The following RBPJL variants were observed in gnomAD, a reference collection of about 807,000 sequenced individuals.
RBPJL encodes the protein recombining binding protein suppressor of hairless-like protein.
A neutral mutation model predicts 57.6 loss-of-function variants in RBPJL; 50 were observed. The ratio of observed to expected loss-of-function variants is 0.87; its 90% CI spans 0.69 to 1.10. RBPJL has a LOEUF of 1.10. Among genes scored for constraint, RBPJL ranks in the 50% least tolerant of loss-of-function variants. The probability of loss-of-function intolerance (pLI) is 0.00; values close to 1 mark genes in which losing one functional copy is unlikely to be tolerated. For missense variants in RBPJL, 684 were observed against 693.7 expected (o/e 0.99, Z 0.16); for synonymous variants, 303 against 294.4 (o/e 1.03, Z -0.30).
At chr20:45,311,017 G>A (rs534125520) in intron 3 of RBPJL, among the ~76,000 whole-genome samples, 1 of 151,760 alleles carries the variant, frequency 6.6e-6, no homozygotes, top group South Asian at 2.1e-4. Flanking sequence ...GGAGGCCGAG[G>A]TGGGAGGATC....
intron 6 of RBPJL, among the ~76,000 whole-genome samples, chr20:45,313,084 T>A (rs1987271439): frequency 6.6e-6 from 1 of 151,944 alleles, no homozygotes; most frequent in Non-Finnish European, 1.5e-5. Context: ...AGGCAAAGGT[T>A]CCAAAGCAGG....
At chr20:45,313,896 A>G in intron 7 of RBPJL, 139 bp from the exon 8 acceptor site, 1 of 726,788 alleles carries the variant, frequency 1.4e-6, no homozygotes, top group Admixed American at 2.3e-5. Context: ...TAGAACCTTC[A>G]GTTGGCTCCC....
At position 45,313,427 on chromosome 20, in the gene RBPJL, G is replaced by A. The variant is rs1052618538; in HGVS notation, c.620-41G>A. The A allele has an allele frequency of 5.2e-6, 8 of 1,529,618 alleles. No homozygotes were observed. In the Admixed American group the frequency reaches 1.1e-4, roughly 21 times the overall value. The allele number at this position is 1,529,618 out of a possible 1,614,324, so 94.8% of individuals were successfully genotyped here. ...AACCCTATCCCCTCACCCTAACCCTGACCCTCACCCTCACCCTAACCCTGA... is the reference window on the plus strand; with the variant it reads ...AACCCTATCCCCTCACCCTAACCCTAACCCTCACCCTCACCCTAACCCTGA... On this transcript the variant is annotated intron_variant, in intron 6 of 11. Coordinates refer to ENST00000343694, the MANE Select transcript of RBPJL (RefSeq NM_014276.4).
chr20:45,316,247 A>G lies in RBPJL; in HGVS notation c.1081A>G (p.Ile361Val). Residue 361 changes from isoleucine (I) to valine (V), a missense_variant, in exon 10 of 12, where the codon ATC becomes GTC. Physicochemically the swap from Ile to Val is conservative, Grantham distance 29. Coordinates refer to ENST00000343694, the MANE Select transcript of RBPJL (RefSeq NM_014276.4). ...GCTTAACGACAGCTCTTGCTGGACC[A>G]TCATCGGCACCGAGTCGGTGGAATT... is the stretch of plus-strand genomic sequence containing the variant. ...ALLNDSSCWT[I>V]IGTESVEFSF... 6.2e-7 allele frequency: 1 copy of G among 1,614,230 alleles called. No homozygotes were observed. The highest frequency in any genetic ancestry group is 8.5e-7 in the Non-Finnish European group (1 of 1,180,030).
At chr20:45,313,751 G>C in intron 7 of RBPJL, 146 bp downstream of exon 7, 1 of 884,866 alleles carries the variant, frequency 1.1e-6, no homozygotes, top group East Asian at 2.7e-5. Flanking sequence ...GTCCCAGTGA[G>C]CTGGTGACTG....
chr20:45,310,335 G>A (rs1004770218), intron 3 of RBPJL, among the ~76,000 whole-genome samples: 1 of 152,108 alleles, frequency 6.6e-6, no homozygotes, highest in African/African-American at 2.4e-5. Flanking sequence ...GGCCGGGCGC[G>A]ATGGCTCACA....
In RBPJL at chr20:45,316,633, G is replaced by A. The variant is rs1399387160; in HGVS notation, c.1280+53G>A. The A allele has an allele frequency of 5.9e-6, 9 of 1,526,334 alleles. No individual in the cohort carries two copies. In the South Asian group the frequency reaches 6.2e-5, roughly 11 times the overall value. The allele number at this position is 1,526,334 out of a possible 1,614,324, so 94.5% of individuals were successfully genotyped here. ...GGGCCCCGGGGAGCAGGGGAAGGGG[G>A]TGCACGCGTCGTCGGAGTCGCCGCA... On this transcript the variant is annotated intron_variant, in intron 11 of 11. Transcript: ENST00000343694.
chr20:45,316,239 G>T lies in RBPJL; in HGVS notation c.1073G>T (p.Cys358Phe). Residue 358 changes from cysteine to phenylalanine, a missense_variant, in exon 10 of 12, where the codon TGC becomes TTC. Cys to Phe is a radical substitution (Grantham distance 205). Transcript: ENST00000343694. ...ANRALLNDSS[C>F]WTIIGTESVE... ...AGGGCTCTGCTTAACGACAGCTCTT[G>T]CTGGACCATCATCGGCACCGAGTCG... is the stretch of plus-strand genomic sequence containing the variant. 2 of 1,614,258 alleles carry T rather than the reference G, an allele frequency of 1.2e-6. No homozygotes were observed. The highest frequency in any genetic ancestry group is 1.7e-6 in the Non-Finnish European group (2 of 1,180,038).
chr20:45,311,643 G>A lies in RBPJL; in HGVS notation c.312G>A (p.Lys104=). 1 of 1,614,172 alleles carries A rather than the reference G, an allele frequency of 6.2e-7. No homozygotes were observed. Among genetic ancestry groups the A allele is most frequent in the Non-Finnish European group, 8.5e-7 (1 of 1,180,038 alleles). ...VYLSGPGWRV[K]PGQDQAHQAG... is the part of the protein sequence containing the mutation. ...TCTCGGGGCCTGGCTGGAGGGTGAA[G>A]CCAGGGCAGGATCAAGGTGAGGGCG... Residue 104 remains lysine (K), a synonymous_variant, in exon 4 of 12, where the codon AAG becomes AAA. Transcript: ENST00000343694.
In RBPJL at chr20:45,307,305, G is replaced by A. The variant is rs145605921; in HGVS notation, c.22+361G>A. Among the ~76,000 whole-genome samples the A allele has an allele frequency of 5.3e-5, 8 of 152,280 alleles. 1 individual carries two copies. Among genetic ancestry groups the A allele is most frequent in the African/African-American group, 1.9e-4 (8 of 41,560 alleles). ...AATTCCGTGAATGCGCCTATTCTGA[G>A]CGAGGCCAGTGCCTGCTTCTCACTC... is the stretch of plus-strand genomic sequence containing the variant. On this transcript the variant is annotated intron_variant, in intron 1 of 11. Coordinates refer to ENST00000343694, the MANE Select transcript of RBPJL (RefSeq NM_014276.4).
At position 45,316,762 on chromosome 20, in the gene RBPJL, A is replaced by T. The variant is rs1337537965; in HGVS notation, c.1357A>T (p.Ile453Phe). The T allele has an allele frequency of 6.2e-7, 1 of 1,613,752 alleles. No homozygotes were observed. The highest frequency in any genetic ancestry group is 8.5e-7 in the Non-Finnish European group (1 of 1,179,802). ...CGACTGGCGCTGGCTGCGCGCTCCC[A>T]TCACAATCCCCATGAGCCTGGTGCG... Reference protein sequence around the residue: ...CSDWRWLRAPITIPMSLVRAD... With the variant: ...CSDWRWLRAPFTIPMSLVRAD... Residue 453 changes from isoleucine (I) to phenylalanine (F), a missense_variant, in exon 12 of 12, where the codon ATC becomes TTC. By Grantham distance (21) the Ile-to-Phe change is conservative. Transcript: ENST00000343694.
chr20:45,308,120 G>T (rs775926554), intron 1 of RBPJL, 23 bp from the exon 2 acceptor site: 3 of 1,563,416 alleles, frequency 1.9e-6, no homozygotes, highest in African/African-American at 2.7e-5. Flanking sequence ...GCCTGACCTG[G>T]CTTGATGCCT....
chr20:45,316,939 C>A lies in RBPJL; in HGVS notation c.1534C>A (p.His512Asn). ...TCAGGAGTTCACGCGCACCAACTTC[C>A]ACCTCTTCATCCAGACTTAGGCGCG... ...IHQEFTRTNF[H>N]LFIQT is the part of the protein sequence containing the mutation. The change falls in exon 12 of 12, where the codon CAC becomes AAC. Residue 512 changes from histidine (H) to asparagine (N), a missense_variant. Coordinates refer to ENST00000343694, the MANE Select transcript of RBPJL (RefSeq NM_014276.4). 1.2e-6 allele frequency: 2 copies of A among 1,612,688 alleles called. No individual in the cohort carries two copies. The highest frequency in any genetic ancestry group is 1.3e-5 in the African/African-American group (1 of 75,016).
Position 45,316,719 on chromosome 20 carries a change from C to T in RBPJL, c.1314C>T (p.Asp438=). Residue 438 remains aspartate (D), a synonymous_variant, in exon 12 of 12, where the codon GAC becomes GAT. Coordinates refer to ENST00000343694, the MANE Select transcript of RBPJL (RefSeq NM_014276.4). ...SPRSLVCVVP[D]VAAFCSDWRW... is the part of the protein sequence containing the mutation. ...GGTCCCTGGTGTGCGTGGTGCCGGA[C>T]GTGGCGGCCTTCTGCAGCGACTGGC... is the stretch of plus-strand genomic sequence containing the variant. The T allele has an allele frequency of 6.2e-7, 1 of 1,611,744 alleles. No homozygotes were observed.
intron 4 of RBPJL, 29 bp downstream of exon 4, chr20:45,311,688 G>C (rs367882351): frequency 1.2e-6 from 2 of 1,611,664 alleles, no homozygotes; most frequent in South Asian, 1.1e-5. Context: ...GCTGCCGGCC[G>C]CCTGCTCTGT....
At chr20:45,309,034 G>A (rs1214541355) in intron 2 of RBPJL, among the ~76,000 whole-genome samples, 1 of 152,068 alleles carries the variant, frequency 6.6e-6, no homozygotes, top group East Asian at 1.9e-4. Flanking sequence ...CCATCCTGAG[G>A]ACAAGGTTTT....
intron 2 of RBPJL, among the ~76,000 whole-genome samples, chr20:45,309,319 G>A (rs1240896662): frequency 6.6e-6 from 1 of 152,112 alleles, no homozygotes; most frequent in Non-Finnish European, 1.5e-5. Context: ...TGGTCCCATG[G>A]GTTCCATGCA....
At position 45,309,254 on chromosome 20, in the gene RBPJL, C is replaced by T. The variant is rs1987009791; in HGVS notation, c.132-313C>T. Among the ~76,000 whole-genome samples the T allele has an allele frequency of 2.6e-5, 4 of 152,216 alleles. No homozygotes were observed. In the South Asian group the frequency reaches 8.3e-4, roughly 32 times the overall value. On this transcript the variant is annotated intron_variant, in intron 2 of 11. Transcript: ENST00000343694. Reference sequence around the variant, plus strand: ...GCCTTTGTGTCACAGCCACGTGTCCCTATGGCCCTGGGCTCCAATGGGCAT... The same window carrying T: ...GCCTTTGTGTCACAGCCACGTGTCCTTATGGCCCTGGGCTCCAATGGGCAT...
Position 45,309,640 on chromosome 20 carries a change from G to A in RBPJL, c.205G>A (p.Val69Met), listed in dbSNP as rs1471749366. The stretch of plus-strand genomic sequence containing the variant: ...CCTGCAGCAACAGTGTGAACAGACT[G>A]TGCGGATCCTGCATGCCAAGGTGGC... ...RCLQQQCEQT[V>M]RILHAKVAQK... The change falls in exon 3 of 12, where the codon GTG becomes ATG. Residue 69 changes from valine (V) to methionine (M), a missense_variant. Transcript: ENST00000343694. The A allele has an allele frequency of 6.2e-7, 1 of 1,613,662 alleles. No individual in the cohort carries two copies. The highest frequency in any genetic ancestry group is 1.3e-5 in the African/African-American group (1 of 74,910).
Sources: gnomAD v4.1 joint callset for allele counts (sites outside exome capture counted in the v4.1 genomes callset) on GRCh38, gnomAD v4.1.1 for gene constraint, MANE v1.5 for transcripts, NCBI Gene and HGNC (gene_info 2026-07-23, HGNC 2026-07-21) for gene names.